ELAPOR1: variants seen among roughly 807,000 people sequenced by gnomAD.
ELAPOR1 encodes endosome-lysosome associated apoptosis and autophagy regulator 1, also known as endosome/lysosome-associated apoptosis and autophagy regulator 1.
In ELAPOR1, 77 loss-of-function variants were observed where a neutral mutation model predicts 119.7. The observed-to-expected ratio is 0.64, with a 90% confidence interval of 0.54 to 0.78. ELAPOR1 has a LOEUF of 0.78. ELAPOR1 is among the 30% of genes least tolerant of loss of function. The pLI, the probability that ELAPOR1 is intolerant of heterozygous loss-of-function variation, is 0.00. For missense variants in ELAPOR1, 1,115 were observed against 1,270.4 expected (o/e 0.88, Z 1.86); for synonymous variants, 481 against 487.2 (o/e 0.99, Z 0.17).
intron 14 of ELAPOR1, among the ~76,000 whole-genome samples, chr1:109,193,219 A>C (rs572855128): frequency 1.3e-5 from 2 of 152,296 alleles, no homozygotes; most frequent in South Asian, 4.1e-4. Flanking sequence ...AAAAATGTTC[A>C]ATCCAGCCTG....
intron 4 of ELAPOR1, 135 bp from the exon 5 acceptor site, chr1:109,172,353 G>T: frequency 1.5e-6 from 1 of 668,438 alleles, no homozygotes; most frequent in South Asian, 1.9e-5. Flanking sequence ...CATGTGTTTT[G>T]AGCTCAATCC....
chr1:109,164,661 G>A lies in ELAPOR1; in HGVS notation c.437G>A (p.Ser146Asn), dbSNP rs1254976362. The A allele has an allele frequency of 6.2e-7, 1 of 1,614,056 alleles. No individual in the cohort carries two copies. Among genetic ancestry groups the A allele is most frequent in the African/African-American group, 1.3e-5 (1 of 74,948 alleles). The change falls in exon 3 of 22, where the codon AGT (serine) becomes AAT (asparagine). Residue 146 changes from serine (S) to asparagine (N), a missense_variant. Transcript: ENST00000369939. ...SLSANMELDD[S>N]AAESTGNCTS... ...TCAGCCAACATGGAGCTGGATGACAGTGCTGCTGAGTCCACCGGGAACTGT... is the reference window on the plus strand; with the variant it reads ...TCAGCCAACATGGAGCTGGATGACAATGCTGCTGAGTCCACCGGGAACTGT...
chr1:109,163,840 G>T (rs1651413165), intron 2 of ELAPOR1, among the ~76,000 whole-genome samples: 1 of 152,210 alleles, frequency 6.6e-6, no homozygotes, highest in Admixed American at 6.5e-5. Flanking sequence ...CAGAAAGGCA[G>T]AGGCCAGAGG....
At position 109,200,119 on chromosome 1, in the gene ELAPOR1, CAG is replaced by C. The variant is rs1323073459; in HGVS notation, c.2694_2695del (p.Arg898SerfsTer56). On this transcript the variant is annotated frameshift_variant, in exon 20 of 22. Coordinates refer to ENST00000369939, the MANE Select transcript of ELAPOR1 (RefSeq NM_020775.5). LOFTEE classifies it high-confidence loss of function. Reference sequence around the variant, plus strand: ...CTCTGGTGGCATTTCTCTGCCTGAGCAGAGAGTCACCATCTGCAAAACCATAG... The same window carrying C: ...CTCTGGTGGCATTTCTCTGCCTGAGCAGAGTCACCATCTGCAAAACCATAG... ...LCSGGISLPEQRVTICKTIDF... is the reference protein window; with the variant it reads ...LCSGGISLPEXRVTICKTIDF... 3.7e-6 allele frequency: 6 copies of C among 1,614,198 alleles called. No individual in the cohort carries two copies. Among genetic ancestry groups the C allele is most frequent in the South Asian group, 1.1e-5 (1 of 91,076 alleles).
intron 7 of ELAPOR1, among the ~76,000 whole-genome samples, chr1:109,182,736 G>A (rs952819516): frequency 2.6e-5 from 4 of 151,944 alleles, no homozygotes; most frequent in Non-Finnish European, 4.4e-5. Context: ...GCATGGTGGC[G>A]GGCGCCTGTA....
intron 7 of ELAPOR1, among the ~76,000 whole-genome samples, chr1:109,175,211 T>C (rs998742252): frequency 8.6e-5 from 13 of 151,866 alleles, no homozygotes; most frequent in Non-Finnish European, 1.5e-4. Flanking sequence ...TATTTTTTTT[T>C]GAGACGGAGT....
At chr1:109,114,408 C>A in intron 1 of ELAPOR1, 72 bp downstream of exon 1, 1 of 1,456,282 alleles carries the variant, frequency 6.9e-7, no homozygotes. Context: ...CCTTGGGGAC[C>A]CAGGCGCAGA....
chr1:109,203,824 C>G lies in ELAPOR1; in HGVS notation c.*812C>G, dbSNP rs1357000698. ...CTGGAAGGCGGAGCTTGCAGTGAGC[C>G]GAGATCGCGCCACTGCACTCCATCC... On this transcript the variant is annotated 3_prime_UTR_variant, in exon 22 of 22. Transcript: ENST00000369939. The G allele has an allele frequency of 6.8e-6, 1 of 146,342 alleles. No homozygotes were observed. Among genetic ancestry groups the G allele is most frequent in the East Asian group, 2.0e-4 (1 of 4,974 alleles). The allele number at this position is 146,342 out of a possible 1,614,324, so 9.1% of individuals were successfully genotyped here.
Position 109,173,515 on chromosome 1 carries a change from C to T in ELAPOR1, c.738C>T (p.Thr246=). Residue 246 remains threonine, a synonymous_variant, in exon 6 of 22, where the codon ACC becomes ACT. Coordinates refer to ENST00000369939, the MANE Select transcript of ELAPOR1 (RefSeq NM_020775.5). Reference sequence around the variant, plus strand: ...GCAATAATGTCCTCTATTGGAGAACCACAGCCTTCTCAGTATGGACCAAAG... The same window carrying T: ...GCAATAATGTCCTCTATTGGAGAACTACAGCCTTCTCAGTATGGACCAAAG... ...NRGNNVLYWR[T]TAFSVWTKVP... 1 of 1,614,166 alleles carries T rather than the reference C, an allele frequency of 6.2e-7. No homozygotes were observed. Among genetic ancestry groups the T allele is most frequent in the South Asian group, 1.1e-5 (1 of 91,080 alleles).
intron 8 of ELAPOR1, among the ~76,000 whole-genome samples, chr1:109,186,202 G>A (rs530970334): frequency 2.6e-5 from 4 of 152,192 alleles, no homozygotes; most frequent in Admixed American, 2.0e-4. Context: ...GGGAGGAGCC[G>A]TGGAGCTTTC....
At chr1:109,199,620 C>G (rs1654036319) in intron 18 of ELAPOR1, among the ~76,000 whole-genome samples, 1 of 152,182 alleles carries the variant, frequency 6.6e-6, no homozygotes, top group South Asian at 2.1e-4. Flanking sequence ...AAGATGTCAG[C>G]AAAAACATAA....
intron 7 of ELAPOR1, 80 bp downstream of exon 7, chr1:109,173,917 C>T: frequency 6.8e-7 from 1 of 1,481,200 alleles, no homozygotes; most frequent in South Asian, 1.2e-5. Flanking sequence ...GGAATAGAGC[C>T]ATCCTTCTGG....
intron 2 of ELAPOR1, among the ~76,000 whole-genome samples, chr1:109,163,913 CT>C (rs1370608738): frequency 3.9e-5 from 6 of 152,156 alleles, no homozygotes; most frequent in African/African-American, 1.4e-4. Context: ...CACAAGAGAC[CT>C]TGGCATCTTC....
At chr1:109,160,683 C>T (rs1651193425) in intron 1 of ELAPOR1, among the ~76,000 whole-genome samples, 2 of 152,162 alleles carry the variant, frequency 1.3e-5, no homozygotes, top group Non-Finnish European at 2.9e-5. Context: ...TAAAGGGGGA[C>T]ATTAATTCTA....
At chr1:109,131,866 T>G (rs994697039) in intron 1 of ELAPOR1, among the ~76,000 whole-genome samples, 1 of 152,062 alleles carries the variant, frequency 6.6e-6, no homozygotes, top group African/African-American at 2.4e-5. Flanking sequence ...GAGATGGGAA[T>G]GTGTAGGACT....
At chr1:109,138,880 A>ATT (rs1407778359) in intron 1 of ELAPOR1, among the ~76,000 whole-genome samples, 1 of 151,492 alleles carries the variant, frequency 6.6e-6, no homozygotes, top group African/African-American at 2.4e-5. Flanking sequence ...AGACGTTAAA[A>ATT]TTTTTTTCAA....
intron 18 of ELAPOR1, among the ~76,000 whole-genome samples, chr1:109,198,908 T>C (rs113115082): frequency 0.12 from 18,164 of 152,308 alleles, 1,232 homozygotes; most frequent in Middle Eastern, 0.23. Context: ...AGCAGCTGCG[T>C]AGCATGGTAA....
At chr1:109,161,034 C>T (rs140335016) in intron 1 of ELAPOR1, among the ~76,000 whole-genome samples, 3 of 152,320 alleles carry the variant, frequency 2.0e-5, no homozygotes, top group East Asian at 1.9e-4. Flanking sequence ...AGTGAGAGCA[C>T]ATCACCTGCC....
rs147669077 is a variant in ELAPOR1, at chr1:109,151,856, C to T, written c.154-10038C>T. Among the ~76,000 whole-genome samples, 797 of 148,492 alleles carry T rather than the reference C, an allele frequency of 5.4e-3. 7 individuals carry two copies. The highest frequency in any genetic ancestry group is 0.018 in the African/African-American group (749 of 40,552). On this transcript the variant is annotated intron_variant, in intron 1 of 21. Coordinates refer to ENST00000369939, the MANE Select transcript of ELAPOR1 (RefSeq NM_020775.5). The stretch of plus-strand genomic sequence containing the variant: ...ACCCAGCTCCAGGGCATTTGCCTGG[C>T]GACCCCAGCCTCATCCTTTTTTTTT...
Sources: gnomAD v4.1 joint callset for allele counts (sites outside exome capture counted in the v4.1 genomes callset) on GRCh38, gnomAD v4.1.1 for gene constraint, MANE v1.5 for transcripts, NCBI Gene and HGNC (gene_info 2026-07-23, HGNC 2026-07-21) for gene names.